CIT: variants seen among roughly 807,000 people sequenced by gnomAD.
The protein encoded by CIT is citron Rho-interacting kinase.
Under a neutral mutation model 272.7 loss-of-function variants are expected in CIT, and 79 were observed. The observed-to-expected ratio is 0.29, with a 90% CI of 0.24 to 0.35. The LOEUF (loss-of-function observed/expected upper bound fraction) is 0.35, where lower values mean the gene tolerates loss of function less well. Ranked by LOEUF, CIT falls within the 10% of genes least tolerant of loss-of-function variation. The pLI, the probability that CIT is intolerant of heterozygous loss-of-function variation, is 1.00. For missense variants in CIT, 1,909 were observed against 2,618.3 expected (o/e 0.73, Z 5.91); for synonymous variants, 948 against 995.6 (o/e 0.95, Z 0.90).
intron 27 of CIT, among the ~76,000 whole-genome samples, 168 bp downstream of exon 27, chr12:119,730,327 C>T (rs1958367652): frequency 6.6e-6 from 1 of 151,786 alleles, no homozygotes; most frequent in African/African-American, 2.4e-5. Flanking sequence ...CTACTGCCAA[C>T]CAAAAATGTC....
At chr12:119,787,369 T>G (rs1964880549) in intron 10 of CIT, among the ~76,000 whole-genome samples, 1 of 151,638 alleles carries the variant, frequency 6.6e-6, no homozygotes, top group Admixed American at 6.6e-5. Flanking sequence ...AGTTCAAGGC[T>G]ACAGTGAGCT....
At chr12:119,824,436 G>T (rs930043581) in intron 8 of CIT, among the ~76,000 whole-genome samples, 1 of 152,060 alleles carries the variant, frequency 6.6e-6, no homozygotes, top group South Asian at 2.1e-4. Flanking sequence ...ACAGTTAACA[G>T]CACTGAAATC....
intron 5 of CIT, among the ~76,000 whole-genome samples, chr12:119,840,318 G>A (rs1004221652): frequency 1.3e-5 from 2 of 152,080 alleles, no homozygotes; most frequent in African/African-American, 4.8e-5. Context: ...ACTCTGTCTC[G>A]AAAAAAGAAG....
intron 10 of CIT, among the ~76,000 whole-genome samples, chr12:119,785,865 C>G (rs1034240066): frequency 6.6e-6 from 1 of 152,120 alleles, no homozygotes; most frequent in African/African-American, 2.4e-5. Context: ...CAGGCTTGAG[C>G]CACCAAGCCT....
At position 119,717,416 on chromosome 12, in the gene CIT, TTTC is replaced by T. The variant is rs1271466655; in HGVS notation, c.4168+826_4168+828del. Among the ~76,000 whole-genome samples, 514 of 52,528 alleles carry T rather than the reference TTTC, an allele frequency of 9.8e-3. 5 individuals are homozygous for T. The highest frequency in any genetic ancestry group is 0.021 in the African/African-American group (462 of 21,660). 34.5% of individuals were successfully genotyped at this position (52,528 alleles called of 152,430 possible). On this transcript the variant is annotated intron_variant, in intron 32 of 47. Transcript: ENST00000392521. ...TTTTTCATATTCTTTTTTCTTTTCT[TTTC>T]TTTTTTTTTTTTTTTTTTTGAGATG...
intron 12 of CIT, 169 bp downstream of exon 12, chr12:119,783,739 G>A (rs1169562820): frequency 1.1e-5 from 8 of 731,502 alleles, no homozygotes; most frequent in Non-Finnish European, 1.7e-5. Flanking sequence ...GGGACCTTAC[G>A]CCTGGCTCTC....
chr12:119,772,148 G>A (rs1299425734), intron 17 of CIT, among the ~76,000 whole-genome samples: 1 of 39,248 alleles, frequency 2.5e-5, no homozygotes, highest in East Asian at 7.5e-4. Flanking sequence ...AATCAACTAC[G>A]GCACGCCCCT....
chr12:119,708,126 G>A, intron 40 of CIT, 53 bp downstream of exon 40: 1 of 1,453,468 alleles, frequency 6.9e-7, no homozygotes, highest in Non-Finnish European at 9.1e-7. Context: ...GGGAAGAGAG[G>A]TAGTGTCAAT....
In CIT at chr12:119,857,590, T is replaced by C. The variant is rs1372134130; in HGVS notation, c.347A>G (p.Glu116Gly). ...AGCATAGATGTCCCCGGTTGCTTTC[T>C]CTCTTACCACCTGCACTTCAGCAAA... is the stretch of plus-strand genomic sequence containing the variant. ...GHFAEVQVVR[E>G]KATGDIYAMK... is the part of the protein sequence containing the mutation. The change falls in exon 4 of 48, where the codon GAG becomes GGG. Residue 116 changes from glutamate (E) to glycine (G), a missense_variant. Physicochemically the swap from Glu to Gly is moderately conservative, Grantham distance 98. Transcript: ENST00000392521. The C allele has an allele frequency of 6.2e-7, 1 of 1,614,218 alleles. No individual in the cohort carries two copies. Among genetic ancestry groups the C allele is most frequent in the East Asian group, 2.2e-5 (1 of 44,886 alleles).
At chr12:119,806,427 GA>G (rs1489069165) in intron 9 of CIT, among the ~76,000 whole-genome samples, 1 of 152,116 alleles carries the variant, frequency 6.6e-6, no homozygotes, top group Non-Finnish European at 1.5e-5. Flanking sequence ...CAGTGGGAAG[GA>G]AATAAAGCAG....
intron 13 of CIT, among the ~76,000 whole-genome samples, chr12:119,779,467 T>C (rs1409695714): frequency 6.6e-6 from 1 of 152,162 alleles, no homozygotes; most frequent in Admixed American, 6.5e-5. Flanking sequence ...GCCCAACTTT[T>C]TTCTTCTGAT....
At chr12:119,841,361 G>C (rs911224755) in intron 5 of CIT, among the ~76,000 whole-genome samples, 2 of 152,008 alleles carry the variant, frequency 1.3e-5, no homozygotes, top group Admixed American at 1.3e-4. Context: ...TTTTAGGAGA[G>C]ACAGGGTTTC....
At chr12:119,795,148 G>A (rs146882853) in intron 10 of CIT, among the ~76,000 whole-genome samples, 3,782 of 152,304 alleles carry the variant, frequency 0.025, 77 homozygotes, top group Non-Finnish European at 0.035. Flanking sequence ...TTGGGAGGCC[G>A]AGGCTGGCAG....
intron 5 of CIT, among the ~76,000 whole-genome samples, chr12:119,839,731 A>T (rs1311698302): frequency 6.6e-6 from 1 of 152,174 alleles, no homozygotes; most frequent in Non-Finnish European, 1.5e-5. Flanking sequence ...CACGCAAAAC[A>T]GGGAATTGAG....
At chr12:119,758,400 A>C (rs1439618765) in intron 21 of CIT, among the ~76,000 whole-genome samples, 191 bp downstream of exon 21, 1 of 152,180 alleles carries the variant, frequency 6.6e-6, no homozygotes, top group Non-Finnish European at 1.5e-5. Context: ...CATTTAAGAA[A>C]ACCCGACTCA....
In CIT at chr12:119,772,780, A is replaced by G. The variant is rs1566020550; in HGVS notation, c.2072T>C (p.Val691Ala). The change falls in exon 17 of 48, where the codon GTG (valine) becomes GCG (alanine). Residue 691 changes from valine (V) to alanine (A), a missense_variant. By Grantham distance (64) the Val-to-Ala change is moderately conservative. This residue lies in a region of CIT where 530 missense variants were observed against 822.4 expected (regional missense o/e 0.64). Transcript: ENST00000392521. ...DSSEGIRKKL[V>A]EAEERRHSLE... is the part of the protein sequence containing the mutation. ...AGGTTCCCTGCTCACCTCAGCTTCC[A>G]CCAGCTTCTTTCTGATGCCTTCAGA... 1 of 1,612,950 alleles carries G rather than the reference A, an allele frequency of 6.2e-7. No individual in the cohort carries two copies. Among genetic ancestry groups the G allele is most frequent in the Admixed American group, 1.7e-5 (1 of 59,874 alleles).
At chr12:119,747,140 T>C (rs1464419418) in intron 23 of CIT, among the ~76,000 whole-genome samples, 1 of 152,136 alleles carries the variant, frequency 6.6e-6, no homozygotes, top group African/African-American at 2.4e-5. Flanking sequence ...AAGACTGAGA[T>C]GGCCAGGCAC....
chr12:119,838,105 C>T (rs1969138087), intron 5 of CIT, among the ~76,000 whole-genome samples: 1 of 152,052 alleles, frequency 6.6e-6, no homozygotes, highest in African/African-American at 2.4e-5. Flanking sequence ...TGAAGTCTCA[C>T]TCTGTTACCC....
At position 119,721,357 on chromosome 12, in the gene CIT, T is replaced by C. The variant is rs148690953; in HGVS notation, c.3684A>G (p.Leu1228=). Residue 1228 remains leucine, a synonymous_variant, in exon 29 of 48, where the codon CTA becomes CTG. Transcript: ENST00000392521. ...CCAAGTCACTTCTTTCTGTCTTCAG[T>C]AGATCAGCCCGATCTAGAGCTTCTT... ...GLQEALDRAD[L]LKTERSDLEY... 1.2e-6 allele frequency: 2 copies of C among 1,611,362 alleles called. No homozygotes were observed. The highest frequency in any genetic ancestry group is 1.1e-5 in the South Asian group (1 of 90,956).
Sources: gnomAD v4.1 joint callset for allele counts (sites outside exome capture counted in the v4.1 genomes callset) on GRCh38, gnomAD v4.1.1 for gene constraint, gnomAD v4.1.1 regional missense constraint, MANE v1.5 for transcripts, NCBI Gene and HGNC (gene_info 2026-07-23, HGNC 2026-07-21) for gene names.